The following SPG11 variants were observed in gnomAD, a reference collection of about 807,000 sequenced individuals.
SPG11 encodes the protein SPG11 vesicle trafficking associated, spatacsin.
A neutral mutation model predicts 274.0 loss-of-function variants in SPG11; 222 were observed. The observed-to-expected ratio is 0.81, with a 90% confidence interval of 0.73 to 0.91. The LOEUF is 0.91. SPG11 is among the 40% of genes least tolerant of loss of function. SPG11 has a pLI of 0.00. For missense variants in SPG11, 3,114 were observed against 2,872.7 expected (o/e 1.08, Z -1.92); for synonymous variants, 1,144 against 1,039.7 (o/e 1.10, Z -1.93).
chr15:44,624,501 G>A (rs2083843499), intron 11 of SPG11, among the ~76,000 whole-genome samples: 1 of 152,250 alleles, frequency 6.6e-6, no homozygotes, highest in East Asian at 1.9e-4. Flanking sequence ...ATAGAGAGTG[G>A]AATGATATTA....
At position 44,647,127 on chromosome 15, in the gene SPG11, T is replaced by C. The variant is rs77340774; in HGVS notation, c.1602+1739A>G. 7.2e-3 allele frequency among the ~76,000 whole-genome samples: 1,101 copies of C among 152,274 alleles called. 16 individuals are homozygous for C. Among genetic ancestry groups the C allele is most frequent in the African/African-American group, 0.023 (963 of 41,544 alleles). ...AAGACAACCTAATTTGACAGACATTTCTCCAAAGACGACACACAAATAGCC... is the reference window on the plus strand; with the variant it reads ...AAGACAACCTAATTTGACAGACATTCCTCCAAAGACGACACACAAATAGCC... On this transcript the variant is annotated intron_variant, in intron 7 of 39. Coordinates refer to ENST00000261866, the MANE Select transcript of SPG11 (RefSeq NM_025137.4).
At chr15:44,654,971 A>C (rs1595932515) in intron 4 of SPG11, among the ~76,000 whole-genome samples, 1 of 152,384 alleles carries the variant, frequency 6.6e-6, no homozygotes, top group East Asian at 1.9e-4. Flanking sequence ...ACTGCATATA[A>C]TTAGCTGTAG....
chr15:44,565,977 C>T lies in SPG11; in HGVS notation c.6876G>A (p.Gln2292=). The T allele has an allele frequency of 1.2e-6, 2 of 1,613,934 alleles. No individual in the cohort carries two copies. The highest frequency in any genetic ancestry group is 1.7e-6 in the Non-Finnish European group (2 of 1,180,034). Residue 2292 remains glutamine, a synonymous_variant, in exon 38 of 40, where the codon CAG becomes CAA. Coordinates refer to ENST00000261866, the MANE Select transcript of SPG11 (RefSeq NM_025137.4). ...DSCVRQAQHC[Q]RLTKLITLQI... The stretch of plus-strand genomic sequence containing the variant: ...GCAGAGTTATCAACTTGGTGAGCCG[C>T]TGACAGTGCTGGGCCTGTCGCACAC...
Position 44,589,319 on chromosome 15 carries a change from A to C in SPG11, c.4839T>G (p.Cys1613Trp). 1 of 1,614,196 alleles carries C rather than the reference A, an allele frequency of 6.2e-7. No individual in the cohort carries two copies. Among genetic ancestry groups the C allele is most frequent in the East Asian group, 2.2e-5 (1 of 44,886 alleles). The change falls in exon 28 of 40, where the codon TGT becomes TGG. Residue 1613 changes from cysteine to tryptophan, a missense_variant. Cys to Trp is a radical substitution (Grantham distance 215, BLOSUM62 -2). Coordinates refer to ENST00000261866, the MANE Select transcript of SPG11 (RefSeq NM_025137.4). ...GCTTCCCCAGCTCATACTGGGTCTT[A>C]CACTGCTGTAGCATAAGCTTCAAAA... ...CFLLKLMLQQ[C>W]KTQYELGKLL...
chr15:44,621,641 C>G, intron 14 of SPG11, 118 bp downstream of exon 14: 1 of 1,002,880 alleles, frequency 1.0e-6, no homozygotes, highest in Non-Finnish European at 1.5e-6. Context: ...TTTTAAAGAA[C>G]CTGAATATTA....
In SPG11 at chr15:44,615,464, G is replaced by T. The variant is rs141238220; in HGVS notation, c.2937C>A (p.Asn979Lys). The change falls in exon 16 of 40, where the codon AAC (asparagine) becomes AAA (lysine). Residue 979 changes from asparagine to lysine, a missense_variant. Physicochemically the swap from Asn to Lys is moderately conservative, Grantham distance 94 (BLOSUM62 0). Transcript: ENST00000261866. ...AATCCCAACCTTCTTTGGTCTTGTA[G>T]TTTTGAACAGGGAGGGTATCCTGTA... Reference protein sequence around the residue: ...GVIQDTLPVQNYKTKEGWDFH... With the variant: ...GVIQDTLPVQKYKTKEGWDFH... 6 of 1,613,974 alleles carry T rather than the reference G, an allele frequency of 3.7e-6. No individual in the cohort carries two copies. The African/African-American group carries it at 8.0e-5, about 22-fold the overall frequency.
intron 38 of SPG11, among the ~76,000 whole-genome samples, chr15:44,565,268 A>T (rs1309530424): frequency 6.6e-6 from 1 of 152,182 alleles, no homozygotes; most frequent in Non-Finnish European, 1.5e-5. Flanking sequence ...TCTGAACCTC[A>T]ACTGTCTTAA....
At chr15:44,662,650 TAA>T (rs527806518) in intron 1 of SPG11, among the ~76,000 whole-genome samples, 26 of 91,174 alleles carry the variant, frequency 2.9e-4, no homozygotes, top group East Asian at 1.3e-3. Context: ...ACCTTATCTT[TAA>T]AAAAAAAAAA....
intron 30 of SPG11, among the ~76,000 whole-genome samples, chr15:44,578,023 T>C (rs964861942): frequency 7.1e-6 from 1 of 141,582 alleles, no homozygotes; most frequent in African/African-American, 2.6e-5. Context: ...TCTTTCCTTT[T>C]TTTTTTTTTT....
intron 7 of SPG11, among the ~76,000 whole-genome samples, chr15:44,638,195 CTCACGCCTGTAA>C (rs2084333564): frequency 6.6e-6 from 1 of 152,154 alleles, no homozygotes; most frequent in Non-Finnish European, 1.5e-5. Flanking sequence ...GGTGTGGTGG[CTCACGCCTGTAA>C]TCCCAACACT....
At chr15:44,573,308 G>T in intron 32 of SPG11, 3 of 622,380 alleles carry the variant, frequency 4.8e-6, no homozygotes, top group Non-Finnish European at 8.5e-6. Flanking sequence ...AGCTCAGAAA[G>T]CCACAGCTAC....
Position 44,570,607 on chromosome 15 carries a change from A to G in SPG11, c.6395T>C (p.Met2132Thr), listed in dbSNP as rs771913148. The change falls in exon 34 of 40, where the codon ATG becomes ACG. Residue 2132 changes from methionine to threonine, a missense_variant. Met to Thr is a moderately conservative substitution (Grantham distance 81). Transcript: ENST00000261866. Reference sequence around the variant, plus strand: ...CTGTAGGACTCGGATGATGCCCTCCATGTGGCACGTCAGGGTGAAGCAATG... The same window carrying G: ...CTGTAGGACTCGGATGATGCCCTCCGTGTGGCACGTCAGGGTGAAGCAATG... The part of the protein sequence containing the change: ...AHHCFTLTCH[M>T]EGIIRVLQAA... 2.3e-5 allele frequency: 37 copies of G among 1,613,996 alleles called. No homozygotes were observed. The highest frequency in any genetic ancestry group is 1.1e-4 in the East Asian group (5 of 44,882).
At chr15:44,587,718 A>AAAAAAAAAAAAAAAAAAAAAAAAAAAAAC (rs1567141736) in intron 28 of SPG11, among the ~76,000 whole-genome samples, 1 of 148,638 alleles carries the variant, frequency 6.7e-6, no homozygotes, top group African/African-American at 2.6e-5. Context: ...AAAAAAAAAA[A>AAAAAAAAAAAAAAAAAAAAAAAAAAAAAC]AACGTATTCC....
chr15:44,614,926 CGT>C (rs768730552), intron 16 of SPG11, among the ~76,000 whole-genome samples: 2 of 151,998 alleles, frequency 1.3e-5, no homozygotes, highest in Non-Finnish European at 2.9e-5. Context: ...TTTCTCTGTG[CGT>C]GTGTGTGTCT....
At chr15:44,566,031 G>A (rs764173626) in intron 37 of SPG11, 22 bp from the exon 38 acceptor site, 35 of 1,612,892 alleles carry the variant, frequency 2.2e-5, no homozygotes, top group Non-Finnish European at 2.9e-5. Flanking sequence ...GGGTGGAGAG[G>A]CACAGTAGAG....
At chr15:44,585,360 C>T (rs531194098) in intron 29 of SPG11, among the ~76,000 whole-genome samples, 31 of 144,658 alleles carry the variant, frequency 2.1e-4, no homozygotes, top group Admixed American at 5.1e-4. Flanking sequence ...GAGGCAGAGG[C>T]GGGCGGATCA....
intron 20 of SPG11, among the ~76,000 whole-genome samples, chr15:44,601,644 G>T (rs538185213): frequency 2.7e-4 from 40 of 147,688 alleles, no homozygotes; most frequent in African/African-American, 1.0e-3. Flanking sequence ...TGCAACTTCC[G>T]CCTCCTGGGT....
intron 30 of SPG11, among the ~76,000 whole-genome samples, chr15:44,577,964 G>C (rs1420639225): frequency 6.6e-6 from 1 of 151,762 alleles, no homozygotes; most frequent in East Asian, 1.9e-4. Context: ...TGGTGGGAGA[G>C]GCTGCAGTGA....
At chr15:44,633,345 AAAAAAAAAAAAAAAAAAG>A (rs2084132432) in intron 8 of SPG11, 142 bp downstream of exon 8, 6 of 273,716 alleles carry the variant, frequency 2.2e-5, no homozygotes, top group South Asian at 1.3e-4. Flanking sequence ...AAAAAAAAAA[AAAAAAAAAAAAAAAAAAG>A]AAAGTTTCCA....
Sources: allele counts gnomAD v4.1 joint callset (sites outside exome capture counted in the v4.1 genomes callset), GRCh38; gene constraint gnomAD v4.1.1; transcripts MANE v1.5; gene names NCBI Gene and HGNC (gene_info 2026-07-23, HGNC 2026-07-21).